Variants in EPB41L2 observed in about 807,000 individuals in gnomAD.
EPB41L2 encodes band 4.1-like protein 2.
In EPB41L2, 43 loss-of-function variants were observed where a neutral mutation model predicts 113.0. The ratio of observed to expected loss-of-function variants is 0.38; its 90% CI spans 0.30 to 0.49. The LOEUF (loss-of-function observed/expected upper bound fraction) is 0.49, where lower values mean the gene tolerates loss of function less well. EPB41L2 is among the 20% of genes least tolerant of loss of function. The pLI is 0.95. For synonymous variants in EPB41L2, 442 were observed against 436.7 expected, an observed-to-expected ratio of 1.01 and a Z score of -0.15; for missense variants, 1,147 against 1,223.4, an observed-to-expected ratio of 0.94 and a Z score of 0.93.
At chr6:130,940,972 T>C (rs991917042) in intron 3 of EPB41L2, among the ~76,000 whole-genome samples, 1 of 152,210 alleles carries the variant, frequency 6.6e-6, no homozygotes, top group African/African-American at 2.4e-5. Flanking sequence ...CTGTCTTATA[T>C]GTAAAGCTTA....
At chr6:130,990,212 A>ACT (rs1474267174) in intron 1 of EPB41L2, among the ~76,000 whole-genome samples, 1 of 151,994 alleles carries the variant, frequency 6.6e-6, no homozygotes, top group Non-Finnish European at 1.5e-5. Context: ...GTCCAGCTAC[A>ACT]CAGGAGGCTG....
At chr6:130,979,834 A>G (rs115304175) in intron 1 of EPB41L2, among the ~76,000 whole-genome samples, 127 of 152,290 alleles carry the variant, frequency 8.3e-4, no homozygotes, top group African/African-American at 3.0e-3. Flanking sequence ...GGTTGAAGGT[A>G]TGTGTCTGAA....
At chr6:130,980,926 A>G (rs961117916) in intron 1 of EPB41L2, among the ~76,000 whole-genome samples, 5 of 152,150 alleles carry the variant, frequency 3.3e-5, no homozygotes, top group Non-Finnish European at 7.4e-5. Flanking sequence ...CATTCATTCT[A>G]TTTTATAGAA....
chr6:130,882,733 C>T (rs1789712489), intron 12 of EPB41L2: 2 of 152,776 alleles, frequency 1.3e-5, no homozygotes, highest in African/African-American at 2.4e-5. Context: ...CATAGTGCTG[C>T]ACACCAGCGG....
chr6:130,885,254 T>C lies in EPB41L2; in HGVS notation c.1675A>G (p.Met559Val), dbSNP rs150113551. ...AAATCCTTCATAAGACTTTGGTCCA[T>C]GACACCAATCGGAGCTAGTAAAGAG... ...RSLDGAPIGV[M>V]DQSLMKDFPG... Residue 559 changes from methionine to valine, a missense_variant, in exon 12 of 20, where the codon ATG (methionine) becomes GTG (valine). Transcript: ENST00000337057. 4.1e-4 allele frequency: 656 copies of C among 1,614,098 alleles called. No individual in the cohort carries two copies. Among genetic ancestry groups the C allele is most frequent in the Admixed American group, 5.2e-4 (31 of 60,010 alleles).
chr6:131,017,659 T>C (rs1788536389), intron 1 of EPB41L2, among the ~76,000 whole-genome samples: 1 of 152,204 alleles, frequency 6.6e-6, no homozygotes, highest in Non-Finnish European at 1.5e-5. Flanking sequence ...CCTTCTGAGT[T>C]TCCCTTCACC....
At chr6:130,978,573 A>C (rs564556000) in intron 1 of EPB41L2, 1 of 152,340 alleles carries the variant, frequency 6.6e-6, no homozygotes, top group Admixed American at 6.5e-5. Context: ...ACAATAAATA[A>C]AAAATATCTA....
intron 1 of EPB41L2, among the ~76,000 whole-genome samples, chr6:131,038,996 G>C (rs1793909467): frequency 6.6e-6 from 1 of 152,132 alleles, no homozygotes; most frequent in Non-Finnish European, 1.5e-5. Context: ...TTAAGTGTCA[G>C]ACAGTGACTT....
intron 1 of EPB41L2, among the ~76,000 whole-genome samples, chr6:131,036,944 T>C (rs1793443559): frequency 6.6e-6 from 1 of 152,174 alleles, no homozygotes; most frequent in South Asian, 2.1e-4. Context: ...GAGGTATGGT[T>C]GGGTAAGTCG....
rs1388855429 is a variant in EPB41L2, at chr6:130,976,433, ATATGTTCAAT to A, written c.-14-19944_-14-19935del. On this transcript the variant is annotated intron_variant, in intron 1 of 19. Transcript: ENST00000337057. ...CAGACATCTTAGCAATGTTAGACTC[ATATGTTCAAT>A]TACATTAAAAACAATTACATTTTTA... Among the ~76,000 whole-genome samples, 16 of 152,324 alleles carry A rather than the reference ATATGTTCAAT, an allele frequency of 1.1e-4. 1 individual carries two copies. The highest frequency in any genetic ancestry group is 3.8e-4 in the African/African-American group (16 of 41,576).
At chr6:130,967,049 ATTTTT>A (rs201629813) in intron 1 of EPB41L2, among the ~76,000 whole-genome samples, 2 of 151,954 alleles carry the variant, frequency 1.3e-5, no homozygotes, top group Non-Finnish European at 2.9e-5. Context: ...GTGCAGCAAC[ATTTTT>A]TTTAAGAAGT....
chr6:130,910,350 CT>C (rs1219518285), intron 4 of EPB41L2, among the ~76,000 whole-genome samples: 2 of 152,182 alleles, frequency 1.3e-5, no homozygotes, highest in Admixed American at 6.5e-5. Flanking sequence ...AACTGGACTC[CT>C]TCCTTACACC....
chr6:130,918,007 G>C (rs920856368), intron 4 of EPB41L2, among the ~76,000 whole-genome samples: 3 of 152,140 alleles, frequency 2.0e-5, no homozygotes, highest in African/African-American at 7.2e-5. Context: ...TGCTGAAACA[G>C]ATCCCCTTTA....
intron 1 of EPB41L2, among the ~76,000 whole-genome samples, chr6:131,016,842 C>T (rs563619203): frequency 2.0e-4 from 23 of 116,552 alleles, no homozygotes; most frequent in Non-Finnish European, 1.0e-4. Context: ...CTACTATATT[C>T]GCACACAAAA....
intron 11 of EPB41L2, among the ~76,000 whole-genome samples, chr6:130,887,133 A>C (rs1210542952): frequency 6.6e-6 from 1 of 152,232 alleles, no homozygotes; most frequent in Non-Finnish European, 1.5e-5. Flanking sequence ...TTGAATATCA[A>C]ATTAAAAGTT....
At chr6:130,900,235 T>A (rs2128495120) in intron 7 of EPB41L2, among the ~76,000 whole-genome samples, 1 of 150,284 alleles carries the variant, frequency 6.7e-6, no homozygotes, top group Admixed American at 6.6e-5. Context: ...AAATACCATA[T>A]TTTTTTTAAA....
intron 1 of EPB41L2, among the ~76,000 whole-genome samples, chr6:130,962,644 C>T (rs1478219587): frequency 1.3e-5 from 2 of 152,168 alleles, no homozygotes; most frequent in Non-Finnish European, 1.5e-5. Context: ...AAACTAATAT[C>T]CGGTTTAAAT....
chr6:131,028,692 A>G (rs1291739235), intron 1 of EPB41L2, among the ~76,000 whole-genome samples: 1 of 152,210 alleles, frequency 6.6e-6, no homozygotes, highest in East Asian at 1.9e-4. Flanking sequence ...TTAATATCGC[A>G]TAAAACCAGT....
chr6:130,861,351 C>T (rs180704543), intron 18 of EPB41L2, among the ~76,000 whole-genome samples: 3 of 152,238 alleles, frequency 2.0e-5, no homozygotes, highest in Non-Finnish European at 2.9e-5. Flanking sequence ...AGATTACAGG[C>T]GTGAGCCACC....
Sources: gnomAD v4.1 joint callset for allele counts (sites outside exome capture counted in the v4.1 genomes callset) on GRCh38, gnomAD v4.1.1 for gene constraint, MANE v1.5 for transcripts, NCBI Gene and HGNC (gene_info 2026-07-23, HGNC 2026-07-21) for gene names.